SAMMSON: variants seen among roughly 807,000 people sequenced by gnomAD.
SAMMSON encodes survival associated mitochondrial melanoma specific oncogenic non-coding RNA, also known as long intergenic non-protein coding RNA 1212.
chr3:70,395,731 C>A (rs1701087200), intron 2 of SAMMSON, among the ~76,000 whole-genome samples: 5 of 152,176 alleles, frequency 3.3e-5, no homozygotes, highest in Admixed American at 1.3e-4. Flanking sequence ...ATATCATCAT[C>A]CAACCAGGTA....
At chr3:70,119,844 C>T (rs2067425650) in intron 4 of SAMMSON, among the ~76,000 whole-genome samples, 1 of 152,104 alleles carries the variant, frequency 6.6e-6, no homozygotes, top group African/African-American at 2.4e-5. Context: ...ATATATGTAA[C>T]TAATACAAAC....
At chr3:70,408,118 C>T (rs1701190817) in intron 2 of SAMMSON, among the ~76,000 whole-genome samples, 1 of 152,216 alleles carries the variant, frequency 6.6e-6, no homozygotes, top group Non-Finnish European at 1.5e-5. Flanking sequence ...ACACATGGCA[C>T]CAAGTCCCTA....
chr3:70,301,148 C>A (rs1702344671), intron 7 of SAMMSON, among the ~76,000 whole-genome samples: 1 of 152,064 alleles, frequency 6.6e-6, no homozygotes, highest in Non-Finnish European at 1.5e-5. Context: ...TTCTGAGACA[C>A]AGCTGTAAAA....
chr3:70,032,662 G>T (rs1416064922), intron 3 of SAMMSON, among the ~76,000 whole-genome samples: 1 of 152,172 alleles, frequency 6.6e-6, no homozygotes, highest in African/African-American at 2.4e-5. Context: ...CCATGGAATG[G>T]CTTAGGATAA....
chr3:70,350,284 A>G (rs1050414546), intron 7 of SAMMSON, among the ~76,000 whole-genome samples: 2 of 152,206 alleles, frequency 1.3e-5, no homozygotes, highest in Non-Finnish European at 2.9e-5. Flanking sequence ...TTTTCTGGCT[A>G]AAGAATAACC....
intron 8 of SAMMSON, among the ~76,000 whole-genome samples, chr3:70,357,635 A>G (rs1048254762): frequency 6.6e-6 from 1 of 152,110 alleles, no homozygotes; most frequent in African/African-American, 2.4e-5. Flanking sequence ...CAATGGGTGT[A>G]GCAAACCACC....
At chr3:70,104,282 G>T (rs1007278039) in intron 4 of SAMMSON, among the ~76,000 whole-genome samples, 4 of 150,124 alleles carry the variant, frequency 2.7e-5, no homozygotes, top group Non-Finnish European at 4.4e-5. Context: ...TTTTTCCTAC[G>T]CTGCGATACT....
chr3:70,325,210 T>A (rs1185553813), intron 7 of SAMMSON, among the ~76,000 whole-genome samples: 1 of 152,122 alleles, frequency 6.6e-6, no homozygotes. Flanking sequence ...ACATTACTGG[T>A]ATATTTGGTA....
At chr3:70,193,366 T>C (rs541197911) in intron 4 of SAMMSON, among the ~76,000 whole-genome samples, 1 of 152,302 alleles carries the variant, frequency 6.6e-6, no homozygotes, top group East Asian at 1.9e-4. Flanking sequence ...TAATCATGGC[T>C]CTCTGTATCC....
chr3:70,398,416 T>G (rs755237307), intron 2 of SAMMSON, among the ~76,000 whole-genome samples: 1 of 152,214 alleles, frequency 6.6e-6, no homozygotes, highest in Non-Finnish European at 1.5e-5. Context: ...AAAAACTGGT[T>G]TCTTAAACAA....
chr3:70,219,930 T>C (rs1314109716), intron 4 of SAMMSON, among the ~76,000 whole-genome samples: 1 of 152,178 alleles, frequency 6.6e-6, no homozygotes, highest in Non-Finnish European at 1.5e-5. Flanking sequence ...GGTACTGCGA[T>C]GTATTTCCTG....
chr3:70,041,805 T>G (rs2067107369), intron 3 of SAMMSON, among the ~76,000 whole-genome samples: 1 of 151,960 alleles, frequency 6.6e-6, no homozygotes, highest in Non-Finnish European at 1.5e-5. Flanking sequence ...ATCTGTGGGG[T>G]CCTGGAACCA....
chr3:70,402,586 G>T (rs1320869364), intron 2 of SAMMSON, among the ~76,000 whole-genome samples: 1 of 152,158 alleles, frequency 6.6e-6, no homozygotes, highest in Non-Finnish European at 1.5e-5. Flanking sequence ...CATGGGCTAG[G>T]TGTAGTGGCT....
chr3:70,015,438 C>G (rs977736510), intron 3 of SAMMSON: 1 of 151,658 alleles, frequency 6.6e-6, no homozygotes, highest in Non-Finnish European at 1.5e-5. Context: ...GTTTATTTAC[C>G]CAGTGTACAG....
At chr3:70,276,095 A>G (rs1702023079) in intron 6 of SAMMSON, among the ~76,000 whole-genome samples, 1 of 152,190 alleles carries the variant, frequency 6.6e-6, no homozygotes, top group Non-Finnish European at 1.5e-5. Context: ...TTAAGATAAT[A>G]TGATAATATA....
chr3:70,357,757 C>T (rs1440184130), intron 8 of SAMMSON, among the ~76,000 whole-genome samples: 1 of 151,910 alleles, frequency 6.6e-6, no homozygotes, highest in Non-Finnish European at 1.5e-5. Flanking sequence ...ATAATAATAA[C>T]GTGTTCACAG....
chr3:70,199,772 G>A (rs1048201210), intron 4 of SAMMSON, among the ~76,000 whole-genome samples: 15 of 152,106 alleles, frequency 9.9e-5, no homozygotes, highest in African/African-American at 3.6e-4. Context: ...ATTTCCTGGT[G>A]CTTTAATGTT....
At chr3:70,184,292 TC>T (rs755044193) in intron 4 of SAMMSON, 1 of 152,178 alleles carries the variant, frequency 6.6e-6, no homozygotes, top group Non-Finnish European at 1.5e-5. Flanking sequence ...GGTTTGTTTT[TC>T]CCCTGCAGGA....
At chr3:70,151,067 G>A (rs772362598) in intron 4 of SAMMSON, among the ~76,000 whole-genome samples, 3 of 144,942 alleles carry the variant, frequency 2.1e-5, no homozygotes, top group Non-Finnish European at 4.5e-5. Flanking sequence ...ATCCAGCCAG[G>A]AAAACAGATC....
Sources: gnomAD v4.1 joint callset for allele counts (sites outside exome capture counted in the v4.1 genomes callset) on GRCh38, gnomAD v4.1.1 for gene constraint, MANE v1.5 for transcripts, NCBI Gene and HGNC (gene_info 2026-07-23, HGNC 2026-07-21) for gene names.